Variants in LRRC28 observed in about 807,000 individuals in gnomAD.
LRRC28 encodes leucine-rich repeat-containing protein 28.
In LRRC28, 39 loss-of-function variants were observed where a neutral mutation model predicts 45.7. The observed-to-expected ratio is 0.85, with a 90% CI of 0.66 to 1.12. The LOEUF (loss-of-function observed/expected upper bound fraction) is 1.12. Among genes scored for constraint, LRRC28 ranks in the 50% most tolerant of loss-of-function variants. The pLI is 0.00. For synonymous variants in LRRC28, 206 were observed against 178.8 expected (o/e 1.15, Z -1.22); for missense variants, 435 against 438.5 (o/e 0.99, Z 0.07).
At position 99,333,940 on chromosome 15, in the gene LRRC28, G is replaced by A. The variant is rs1956235679; in HGVS notation, c.403G>A (p.Glu135Lys). ...FLPPEVGDLK[E>K]LQTLDISTNR... ...GGTTGTAGAGGTTGGCGATTTGAAG[G>A]AGCTGCAGACACTAGACATTTCTAC... The change falls in exon 6 of 10, where the codon GAG (glutamate) becomes AAG (lysine). Residue 135 changes from glutamate to lysine, a missense_variant. Transcript: ENST00000301981. 1 of 1,613,962 alleles carries A rather than the reference G, an allele frequency of 6.2e-7. No homozygotes were observed. Among genetic ancestry groups the A allele is most frequent in the Admixed American group, 1.7e-5 (1 of 59,948 alleles).
chr15:99,251,794 A>G (rs1444776652), intron 1 of LRRC28: 1 of 152,086 alleles, frequency 6.6e-6, no homozygotes, highest in Non-Finnish European at 1.5e-5. Context: ...GCTGCTTCCC[A>G]ACTGTAACGA....
intron 7 of LRRC28, chr15:99,355,753 A>AAC (rs1026161602): frequency 1.3e-5 from 2 of 152,046 alleles, no homozygotes; most frequent in African/African-American, 4.8e-5. Flanking sequence ...AAAAAAAAAA[A>AAC]ACCAAGCCAC....
At chr15:99,369,374 T>C (rs757603780) in intron 9 of LRRC28, among the ~76,000 whole-genome samples, 1 of 152,096 alleles carries the variant, frequency 6.6e-6, no homozygotes, top group Non-Finnish European at 1.5e-5. Context: ...ATTTCTCACA[T>C]TGAAAGAGAG....
At chr15:99,380,291 A>G (rs940385837) in intron 9 of LRRC28, among the ~76,000 whole-genome samples, 1 of 152,192 alleles carries the variant, frequency 6.6e-6, no homozygotes, top group Non-Finnish European at 1.5e-5. Flanking sequence ...CCATTATGTA[A>G]TGGCCTTCTT....
intron 9 of LRRC28, among the ~76,000 whole-genome samples, chr15:99,373,096 A>G (rs1402166417): frequency 6.6e-6 from 1 of 152,164 alleles, no homozygotes; most frequent in Non-Finnish European, 1.5e-5. Flanking sequence ...ACAATTCAAG[A>G]TGATATTTGG....
At chr15:99,343,874 T>C (rs1183497581) in intron 6 of LRRC28, among the ~76,000 whole-genome samples, 1 of 152,200 alleles carries the variant, frequency 6.6e-6, no homozygotes, top group Admixed American at 6.5e-5. Flanking sequence ...TTCAGCCTCA[T>C]AATGATTACG....
At chr15:99,378,438 G>A (rs1339726830) in intron 9 of LRRC28, among the ~76,000 whole-genome samples, 2 of 152,088 alleles carry the variant, frequency 1.3e-5, no homozygotes, top group Non-Finnish European at 2.9e-5. Flanking sequence ...GGAGATTTTG[G>A]GCTGAGACGA....
chr15:99,382,575 TAATTCC>T (rs1199145616), intron 9 of LRRC28, among the ~76,000 whole-genome samples: 1 of 152,252 alleles, frequency 6.6e-6, no homozygotes, highest in Non-Finnish European at 1.5e-5. Flanking sequence ...ATTTCTAGTT[TAATTCC>T]ATTGTAGTTT....
chr15:99,270,517 A>G (rs1197092350), intron 2 of LRRC28, among the ~76,000 whole-genome samples: 1 of 150,652 alleles, frequency 6.6e-6, no homozygotes, highest in Non-Finnish European at 1.5e-5. Context: ...TATAAATGGG[A>G]TCACAAAATA....
intron 2 of LRRC28, chr15:99,259,712 C>T: frequency 2.1e-6 from 3 of 1,421,862 alleles, no homozygotes; most frequent in Non-Finnish European, 2.0e-6. Context: ...CATGCTTCGA[C>T]GAATTAAGGA....
At chr15:99,370,806 A>T (rs1413653333) in intron 9 of LRRC28, among the ~76,000 whole-genome samples, 2 of 152,224 alleles carry the variant, frequency 1.3e-5, no homozygotes, top group Non-Finnish European at 2.9e-5. Context: ...TATAGTAAAT[A>T]CATGCACATA....
intron 6 of LRRC28, among the ~76,000 whole-genome samples, chr15:99,350,187 G>A (rs1956833201): frequency 6.6e-6 from 1 of 150,712 alleles, no homozygotes; most frequent in Non-Finnish European, 1.5e-5. Flanking sequence ...ACAATGTCAA[G>A]ATACCTTTTC....
At chr15:99,258,973 A>G (rs2081110938) in intron 2 of LRRC28, 2 of 752,298 alleles carry the variant, frequency 2.7e-6, no homozygotes, top group South Asian at 2.7e-5. Context: ...CTCTTCAGCA[A>G]CATAAACTGC....
chr15:99,257,921 A>G (rs912914168), intron 2 of LRRC28: 4 of 769,834 alleles, frequency 5.2e-6, no homozygotes, highest in Admixed American at 1.8e-5. Context: ...ATGAAAATAA[A>G]GAGATTTTCC....
chr15:99,376,311 T>C (rs188941660), intron 9 of LRRC28, among the ~76,000 whole-genome samples: 56 of 152,304 alleles, frequency 3.7e-4, no homozygotes, highest in African/African-American at 1.2e-3. Context: ...TTGTTATTGG[T>C]TTCTAGTTTG....
intron 6 of LRRC28, among the ~76,000 whole-genome samples, chr15:99,350,121 C>T (rs62023849): frequency 9.6e-5 from 13 of 135,404 alleles, no homozygotes; most frequent in South Asian, 2.3e-4. Flanking sequence ...CCGGCCTGGG[C>T]GACAGAGCGA....
intron 1 of LRRC28, among the ~76,000 whole-genome samples, chr15:99,253,013 A>G (rs951934809): frequency 6.6e-6 from 1 of 152,224 alleles, no homozygotes; most frequent in Non-Finnish European, 1.5e-5. Context: ...CAATAGACAG[A>G]TGCAACGATA....
intron 5 of LRRC28, among the ~76,000 whole-genome samples, chr15:99,302,818 G>C (rs542221071): frequency 2.8e-4 from 43 of 152,088 alleles, no homozygotes; most frequent in Non-Finnish European, 4.7e-4. Flanking sequence ...ATAACCTCAT[G>C]TTTTAGTAGT....
intron 6 of LRRC28, among the ~76,000 whole-genome samples, chr15:99,340,088 T>A (rs1021317875): frequency 6.6e-6 from 1 of 152,258 alleles, no homozygotes; most frequent in Non-Finnish European, 1.5e-5. Context: ...GAGTCATGTT[T>A]TAGCGTGATT....
Sources: gnomAD v4.1 joint callset for allele counts (sites outside exome capture counted in the v4.1 genomes callset) on GRCh38, gnomAD v4.1.1 for gene constraint, MANE v1.5 for transcripts, NCBI Gene and HGNC (gene_info 2026-07-23, HGNC 2026-07-21) for gene names.